EPHA6: variants seen among roughly 807,000 people sequenced by gnomAD.
EPHA6 encodes the protein EPH receptor A6, also known as ephrin type-A receptor 6.
In EPHA6, 50 loss-of-function variants were observed where a neutral mutation model predicts 112.0. The ratio of observed to expected loss-of-function variants is 0.45; its 90% CI spans 0.36 to 0.56. The LOEUF is 0.56. EPHA6 is among the 20% of genes least tolerant of loss of function. The pLI is 0.00. For synonymous variants in EPHA6, 529 were observed against 490.7 expected, an observed-to-expected ratio of 1.08 and a Z score of -1.03; for missense variants, 1,280 against 1,417.4, an observed-to-expected ratio of 0.90 and a Z score of 1.56.
At chr3:96,890,612 A>G (rs2107538384) in intron 2 of EPHA6, among the ~76,000 whole-genome samples, 1 of 152,332 alleles carries the variant, frequency 6.6e-6, no homozygotes, top group African/African-American at 2.4e-5. Flanking sequence ...TTGGAATAAT[A>G]TTTAGAACAG....
chr3:96,908,196 T>C (rs2039036492), intron 2 of EPHA6, among the ~76,000 whole-genome samples: 1 of 152,018 alleles, frequency 6.6e-6, no homozygotes, highest in Admixed American at 6.6e-5. Context: ...TCCTTTATAC[T>C]AGTATGGGAC....
At chr3:97,699,070 C>G (rs1484194267) in intron 14 of EPHA6, among the ~76,000 whole-genome samples, 1 of 152,132 alleles carries the variant, frequency 6.6e-6, no homozygotes, top group Non-Finnish European at 1.5e-5. Flanking sequence ...GAGTCCAAAG[C>G]AGAAGCATTA....
chr3:97,450,981 C>T (rs1193052579), intron 7 of EPHA6, among the ~76,000 whole-genome samples: 1 of 151,864 alleles, frequency 6.6e-6, no homozygotes, highest in Non-Finnish European at 1.5e-5. Context: ...GGCTGGGGTT[C>T]TTTCTTGAAA....
rs558682290 is a variant in EPHA6 at position 97,542,158 on chromosome 3, C to T, written c.2386+9615C>T. On this transcript the variant is annotated intron_variant, in intron 11 of 17. Transcript: ENST00000389672. ...GCACAATGTGCACCTTTGTTACATACGTATACATGTGCCATGTTGGTGTGC... is the reference window on the plus strand; with the variant it reads ...GCACAATGTGCACCTTTGTTACATATGTATACATGTGCCATGTTGGTGTGC... 1.5e-4 allele frequency among the ~76,000 whole-genome samples: 23 copies of T among 151,204 alleles called. No individual in the cohort carries two copies. The East Asian group carries it at 3.1e-3, about 21-fold the overall frequency.
intron 5 of EPHA6, among the ~76,000 whole-genome samples, chr3:97,396,873 A>G (rs1045623820): frequency 2.6e-5 from 4 of 151,816 alleles, no homozygotes; most frequent in African/African-American, 9.7e-5. Flanking sequence ...TCTCCACATA[A>G]GCATAAGAAA....
intron 1 of EPHA6, among the ~76,000 whole-genome samples, chr3:96,855,613 A>G (rs1300973356): frequency 6.6e-6 from 1 of 152,064 alleles, no homozygotes; most frequent in Non-Finnish European, 1.5e-5. Context: ...TGCTGGAGAT[A>G]CTATTTTGGA....
intron 5 of EPHA6, 176 bp downstream of exon 5, chr3:97,244,463 T>G: frequency 1.7e-6 from 1 of 595,810 alleles, no homozygotes; most frequent in South Asian, 2.2e-5. Flanking sequence ...GATATTTTTA[T>G]ATTACTTCTC....
intron 3 of EPHA6, among the ~76,000 whole-genome samples, chr3:97,161,997 G>T (rs1191407349): frequency 2.6e-5 from 4 of 152,172 alleles, no homozygotes; most frequent in African/African-American, 9.7e-5. Flanking sequence ...TATTGATAGG[G>T]ATTTAGACAA....
chr3:96,858,381 A>G (rs2035819036), intron 1 of EPHA6, among the ~76,000 whole-genome samples: 1 of 152,134 alleles, frequency 6.6e-6, no homozygotes, highest in Admixed American at 6.6e-5. Context: ...ACAGTATTAA[A>G]GCAAAGTATA....
chr3:97,724,582 A>G (rs1210281844), intron 15 of EPHA6, among the ~76,000 whole-genome samples: 2 of 152,064 alleles, frequency 1.3e-5, no homozygotes, highest in African/African-American at 4.8e-5. Context: ...TGTGGGGAAT[A>G]TAGCGAGACC....
intron 7 of EPHA6, among the ~76,000 whole-genome samples, chr3:97,460,304 G>A (rs1336999631): frequency 6.6e-6 from 1 of 152,128 alleles, no homozygotes; most frequent in Non-Finnish European, 1.5e-5. Flanking sequence ...CCAGGTATTG[G>A]GACCTAAGGA....
intron 5 of EPHA6, among the ~76,000 whole-genome samples, chr3:97,384,560 A>G (rs1329519871): frequency 6.6e-6 from 1 of 152,232 alleles, no homozygotes; most frequent in Non-Finnish European, 1.5e-5. Flanking sequence ...GAAACACTTT[A>G]CTGTCCTCCT....
rs1309861912 is a variant in EPHA6 at position 96,841,861 on chromosome 3, G to T, written c.386-24964G>T. 2.0e-5 allele frequency among the ~76,000 whole-genome samples: 3 copies of T among 152,134 alleles called. No individual in the cohort carries two copies. The East Asian group carries it at 5.8e-4, about 29-fold the overall frequency. The stretch of plus-strand genomic sequence containing the variant: ...TTAATTTGCATTTCTTTTGAGGAAG[G>T]TTTAGTACCAGATTCTGGCAACACT... On this transcript the variant is annotated intron_variant, in intron 1 of 17. Transcript: ENST00000389672.
At chr3:97,655,678 T>G (rs897568374) in intron 14 of EPHA6, among the ~76,000 whole-genome samples, 2 of 146,690 alleles carry the variant, frequency 1.4e-5, no homozygotes, top group Non-Finnish European at 3.0e-5. Flanking sequence ...GTATTTCTAG[T>G]TCTAGATCCC....
At chr3:97,640,565 G>T (rs2093993104) in intron 14 of EPHA6, among the ~76,000 whole-genome samples, 1 of 151,816 alleles carries the variant, frequency 6.6e-6, no homozygotes, top group Non-Finnish European at 1.5e-5. Context: ...GAGGTCGGAA[G>T]CTAGAGACCA....
At chr3:97,534,141 T>C (rs1341444189) in intron 11 of EPHA6, among the ~76,000 whole-genome samples, 1 of 152,164 alleles carries the variant, frequency 6.6e-6, no homozygotes, top group African/African-American at 2.4e-5. Flanking sequence ...TATCCTTTAC[T>C]TCCACATCTG....
At chr3:97,514,315 C>T (rs2107600426) in intron 10 of EPHA6, among the ~76,000 whole-genome samples, 1 of 152,262 alleles carries the variant, frequency 6.6e-6, no homozygotes, top group South Asian at 2.1e-4. Context: ...GACTCTCTTA[C>T]CTCTATTTTC....
At chr3:97,000,698 A>C (rs2043621823) in intron 3 of EPHA6, among the ~76,000 whole-genome samples, 1 of 151,802 alleles carries the variant, frequency 6.6e-6, no homozygotes, top group Non-Finnish European at 1.5e-5. Flanking sequence ...GTAATCAACA[A>C]GGTAAAGGTT....
intron 2 of EPHA6, among the ~76,000 whole-genome samples, chr3:96,888,436 A>G (rs1365032871): frequency 6.6e-6 from 1 of 151,714 alleles, no homozygotes; most frequent in Non-Finnish European, 1.5e-5. Context: ...GTCCTGCAGG[A>G]GCAGTCTGCT....
Sources: allele counts gnomAD v4.1 joint callset (sites outside exome capture counted in the v4.1 genomes callset), GRCh38; gene constraint gnomAD v4.1.1; transcripts MANE v1.5; gene names NCBI Gene and HGNC (gene_info 2026-07-23, HGNC 2026-07-21).